Variants in BICD2 observed in about 807,000 individuals in gnomAD.
The protein encoded by BICD2 is BICD cargo adaptor 2.
Under a neutral mutation model 72.9 loss-of-function variants are expected in BICD2, and 25 were observed. The ratio of observed to expected loss-of-function variants is 0.34; its 90% CI spans 0.25 to 0.48. The LOEUF (loss-of-function observed/expected upper bound fraction) is 0.48, where lower values mean the gene tolerates loss of function less well. BICD2 is among the 20% of genes least tolerant of loss of function. The pLI is 0.99. For synonymous variants in BICD2, 501 were observed against 516.1 expected (o/e 0.97, Z 0.40); for missense variants, 894 against 1,175.2 (o/e 0.76, Z 3.50).
At chr9:92,744,180 G>A (rs1853957874) in intron 1 of BICD2, among the ~76,000 whole-genome samples, 1 of 152,134 alleles carries the variant, frequency 6.6e-6, no homozygotes, top group South Asian at 2.1e-4. Flanking sequence ...AGGAAGGCGT[G>A]GTATATCCAC....
At chr9:92,718,423 T>A (rs2131499271) in intron 5 of BICD2, 116 bp downstream of exon 5, 2 of 1,260,300 alleles carry the variant, frequency 1.6e-6, no homozygotes, top group East Asian at 5.0e-5. Context: ...GCTGGCTCTG[T>A]CTGGTGGTGA....
intron 2 of BICD2, among the ~76,000 whole-genome samples, chr9:92,725,028 C>T (rs1853537998): frequency 1.3e-5 from 2 of 152,194 alleles, no homozygotes; most frequent in Non-Finnish European, 2.9e-5. Context: ...ATCAACAAAC[C>T]TAGAAGGTGC....
chr9:92,717,803 G>A lies in BICD2; in HGVS notation c.2252C>T (p.Ala751Val). The A allele has an allele frequency of 1.2e-6, 2 of 1,608,856 alleles. No homozygotes were observed. ...ATFSSLRAMF[A>V]TRCDEYITQL... ...CCGACAGCAGCACGGTTACCTGGTGGCAAACATAGCACGCAGCGAGGAGAA... is the reference window on the plus strand; with the variant it reads ...CCGACAGCAGCACGGTTACCTGGTGACAAACATAGCACGCAGCGAGGAGAA... The change falls in exon 6 of 7, where the codon GCC becomes GTC. Residue 751 changes from alanine (A) to valine (V), a missense_variant. Physicochemically the swap from Ala to Val is moderately conservative, Grantham distance 64. This residue lies in a region of BICD2 where 321 missense variants were observed against 443.9 expected (regional missense o/e 0.72). Coordinates refer to ENST00000356884, the MANE Select transcript of BICD2 (RefSeq NM_001003800.2).
At chr9:92,752,056 C>A (rs533568711) in intron 1 of BICD2, among the ~76,000 whole-genome samples, 32 of 152,102 alleles carry the variant, frequency 2.1e-4, no homozygotes, top group African/African-American at 7.2e-4. Flanking sequence ...CCACCCGCCT[C>A]GGCCTCCCAA....
At chr9:92,726,466 ACTGGGGAAAGCCACG>A (rs1174295510) in intron 2 of BICD2, among the ~76,000 whole-genome samples, 6 of 152,156 alleles carry the variant, frequency 3.9e-5, no homozygotes, top group Non-Finnish European at 8.8e-5. Context: ...TTGGGCAGTG[ACTGGGGAAAGCCACG>A]CTGGGGGTGG....
At position 92,719,289 on chromosome 9, in the gene BICD2, C is replaced by G. The variant is rs1564060310; in HGVS notation, c.1356G>C (p.Gln452His). 4 of 1,613,940 alleles carry G rather than the reference C, an allele frequency of 2.5e-6. No individual in the cohort carries two copies. Among genetic ancestry groups the G allele is most frequent in the Non-Finnish European group, 3.4e-6 (4 of 1,180,034 alleles). The change falls in exon 5 of 7, where the codon CAG (glutamine) becomes CAC (histidine). Residue 452 changes from glutamine to histidine, a missense_variant. Physicochemically the swap from Gln to His is conservative, Grantham distance 24 (BLOSUM62 0). This residue lies in a region of BICD2 where 371 missense variants were observed against 439.1 expected (regional missense o/e 0.84). Coordinates refer to ENST00000356884, the MANE Select transcript of BICD2 (RefSeq NM_001003800.2). ...AVAEAGELRE[Q>H]LKALRSTHEA... Reference sequence around the variant, plus strand: ...CGTGCGTGCTGCGCAGTGCCTTGAGCTGCTCGCGGAGCTCGCCAGCCTCAG... The same window carrying G: ...CGTGCGTGCTGCGCAGTGCCTTGAGGTGCTCGCGGAGCTCGCCAGCCTCAG...
At chr9:92,726,314 T>C (rs1853566695) in intron 2 of BICD2, among the ~76,000 whole-genome samples, 1 of 151,764 alleles carries the variant, frequency 6.6e-6, no homozygotes, top group African/African-American at 2.4e-5. Context: ...TGTTGGGGTG[T>C]GGAGGGGGAC....
intron 1 of BICD2, among the ~76,000 whole-genome samples, chr9:92,749,271 G>A (rs1854095764): frequency 6.6e-6 from 1 of 152,178 alleles, no homozygotes; most frequent in South Asian, 2.1e-4. Context: ...TACGCTGCAG[G>A]ACCAGCCCAG....
At chr9:92,743,383 A>G (rs1032525997) in intron 1 of BICD2, among the ~76,000 whole-genome samples, 25 of 127,538 alleles carry the variant, frequency 2.0e-4, no homozygotes, top group African/African-American at 7.2e-4. Context: ...TTTTTAAGAG[A>G]TGGGGTCTCA....
At chr9:92,722,540 T>G (rs1853484383) in intron 3 of BICD2, 116 bp downstream of exon 3, 1 of 1,396,802 alleles carries the variant, frequency 7.2e-7, no homozygotes, top group Admixed American at 2.1e-5. Flanking sequence ...GCCCTGGGCC[T>G]CGGGTGTGTG....
rs1178329155 is a variant in BICD2 at position 92,756,381 on chromosome 9, C to T, written c.240+8124G>A. 9.9e-5 allele frequency among the ~76,000 whole-genome samples: 15 copies of T among 151,898 alleles called. 1 individual carries two copies. The highest frequency in any genetic ancestry group is 3.6e-4 in the African/African-American group (15 of 41,400). ...GGTTCATGCCATTCTCCTGCCTCAG[C>T]CTCCCAAGTAGCTGGGACTACAGGT... On this transcript the variant is annotated intron_variant, in intron 1 of 6. Coordinates refer to ENST00000356884, the MANE Select transcript of BICD2 (RefSeq NM_001003800.2).
chr9:92,745,242 C>A (rs1564069800), intron 1 of BICD2, among the ~76,000 whole-genome samples: 1 of 152,084 alleles, frequency 6.6e-6, no homozygotes, highest in Admixed American at 6.5e-5. Flanking sequence ...CAAACACCAG[C>A]AGAAACAGAG....
At position 92,732,916 on chromosome 9, in the gene BICD2, A is replaced by G. The variant is rs534692946; in HGVS notation, c.241-3680T>C. ...TAAAGTACTTATTTTTCTTATTTAA[A>G]TCTCTTTAAAAGATAATTAACTTGA... On this transcript the variant is annotated intron_variant, in intron 1 of 6. Coordinates refer to ENST00000356884, the MANE Select transcript of BICD2 (RefSeq NM_001003800.2). Among the ~76,000 whole-genome samples, 10 of 152,384 alleles carry G rather than the reference A, an allele frequency of 6.6e-5. No individual in the cohort carries two copies. In the South Asian group the frequency reaches 2.1e-3, roughly 32 times the overall value.
At chr9:92,749,889 G>A (rs543008623) in intron 1 of BICD2, among the ~76,000 whole-genome samples, 74 of 152,346 alleles carry the variant, frequency 4.9e-4, no homozygotes, top group African/African-American at 1.6e-3. Flanking sequence ...GCCCTGCCAC[G>A]CAGCTGTCCA....
intron 1 of BICD2, among the ~76,000 whole-genome samples, chr9:92,731,105 T>G (rs535469376): frequency 3.9e-5 from 6 of 152,118 alleles, no homozygotes; most frequent in African/African-American, 1.4e-4. Flanking sequence ...AAGTCCCTCA[T>G]TGGGTGAAGG....
intron 1 of BICD2, among the ~76,000 whole-genome samples, chr9:92,756,495 T>G (rs1854260539): frequency 6.6e-6 from 1 of 151,038 alleles, no homozygotes; most frequent in African/African-American, 2.4e-5. Flanking sequence ...TCTGCTGACC[T>G]CGTGATCCGC....
intron 1 of BICD2, among the ~76,000 whole-genome samples, chr9:92,759,907 T>A (rs1263839473): frequency 6.6e-6 from 1 of 152,232 alleles, no homozygotes; most frequent in African/African-American, 2.4e-5. Flanking sequence ...AGGAAGGGAC[T>A]GTGGTCCCTA....
chr9:92,727,632 A>G (rs898782161), intron 2 of BICD2, among the ~76,000 whole-genome samples: 1 of 152,212 alleles, frequency 6.6e-6, no homozygotes, highest in African/African-American at 2.4e-5. Context: ...CTCCACTTGC[A>G]GTCCCCAGGG....
intron 1 of BICD2, among the ~76,000 whole-genome samples, chr9:92,762,324 G>A (rs1426711649): frequency 6.6e-6 from 1 of 152,088 alleles, no homozygotes; most frequent in Non-Finnish European, 1.5e-5. Flanking sequence ...TGGGTGTGAG[G>A]AACACGCATG....
Sources: allele counts gnomAD v4.1 joint callset (sites outside exome capture counted in the v4.1 genomes callset), GRCh38; gene constraint gnomAD v4.1.1; regional missense constraint gnomAD v4.1.1; transcripts MANE v1.5; gene names NCBI Gene and HGNC (gene_info 2026-07-23, HGNC 2026-07-21).